The following BMP2K variants were observed in gnomAD, a reference collection of about 807,000 sequenced individuals.
BMP2K encodes BMP-2-inducible protein kinase.
Under a neutral mutation model 116.0 loss-of-function variants are expected in BMP2K, and 74 were observed. The observed-to-expected ratio is 0.64, with a 90% CI of 0.53 to 0.77. The LOEUF (loss-of-function observed/expected upper bound fraction) is 0.77. BMP2K is among the 30% of genes least tolerant of loss of function. The probability of loss-of-function intolerance (pLI) is 0.00; values close to 1 mark genes in which losing one functional copy is unlikely to be tolerated. For missense variants in BMP2K, 1,365 were observed against 1,403.6 expected (o/e 0.97, Z 0.44); for synonymous variants, 486 against 502.5 (o/e 0.97, Z 0.44).
At chr4:78,784,522 C>T (rs1420893258) in intron 1 of BMP2K, among the ~76,000 whole-genome samples, 1 of 152,210 alleles carries the variant, frequency 6.6e-6, no homozygotes, top group African/African-American at 2.4e-5. Flanking sequence ...ATCAGCTTTA[C>T]AAATGAGGTC....
intron 13 of BMP2K, among the ~76,000 whole-genome samples, chr4:78,873,248 AGAT>A (rs1312416335): frequency 6.6e-6 from 1 of 152,208 alleles, no homozygotes; most frequent in Non-Finnish European, 1.5e-5. Flanking sequence ...ATGTATTTTA[AGAT>A]GATATATAGT....
At chr4:78,787,874 C>CT (rs1727802683) in intron 1 of BMP2K, among the ~76,000 whole-genome samples, 1 of 152,164 alleles carries the variant, frequency 6.6e-6, no homozygotes, top group Non-Finnish European at 1.5e-5. Flanking sequence ...TTCCAGTACA[C>CT]TATTTCCCCT....
intron 5 of BMP2K, among the ~76,000 whole-genome samples, chr4:78,845,260 A>C (rs1223283705): frequency 6.6e-6 from 1 of 151,572 alleles, no homozygotes; most frequent in African/African-American, 2.4e-5. Context: ...CTACATTGTA[A>C]ACAGATTTGT....
At chr4:78,861,664 C>G (rs1323675008) in intron 9 of BMP2K, among the ~76,000 whole-genome samples, 196 bp downstream of exon 9, 1 of 151,982 alleles carries the variant, frequency 6.6e-6, no homozygotes. Context: ...CTGGCATCAT[C>G]TCACTGGAAC....
chr4:78,907,507 G>C (rs1734346480), intron 15 of BMP2K, among the ~76,000 whole-genome samples: 1 of 152,140 alleles, frequency 6.6e-6, no homozygotes, highest in Non-Finnish European at 1.5e-5. Flanking sequence ...ACTAGAAATG[G>C]AAAATTTCAA....
chr4:78,829,776 T>TC (rs1288138180), intron 2 of BMP2K, among the ~76,000 whole-genome samples: 114 of 113,206 alleles, frequency 1.0e-3, no homozygotes, highest in African/African-American at 5.0e-3. Flanking sequence ...TTTTCTTTTC[T>TC]TTTCTTTTCT....
At chr4:78,818,096 T>TA (rs1475750108) in intron 1 of BMP2K, among the ~76,000 whole-genome samples, 4 of 152,108 alleles carry the variant, frequency 2.6e-5, no homozygotes, top group African/African-American at 7.2e-5. Context: ...AGCCAAAACA[T>TA]AGAGGTGAAT....
chr4:78,776,453 G>A lies in BMP2K; in HGVS notation c.-91G>A, dbSNP rs1461589815. On this transcript the variant is annotated 5_prime_UTR_variant, in exon 1 of 16. Transcript: ENST00000502613. ...CCGCAGCACGCTCGGACGGGCCAGG[G>A]GCGGCGACCCCTCGCGGACGCCCGG... The A allele has an allele frequency of 1.8e-6, 2 of 1,083,132 alleles. No homozygotes were observed. Among genetic ancestry groups the A allele is most frequent in the Non-Finnish European group, 1.1e-6 (1 of 890,714 alleles). 67.1% of individuals were successfully genotyped at this position (1,083,132 alleles called of 1,614,324 possible).
intron 1 of BMP2K, among the ~76,000 whole-genome samples, chr4:78,792,123 T>G (rs1165449204): frequency 1.3e-5 from 2 of 152,226 alleles, no homozygotes; most frequent in Non-Finnish European, 2.9e-5. Flanking sequence ...GCAATTTTTT[T>G]AATAGCCATC....
At chr4:78,791,216 T>C (rs1395900506) in intron 1 of BMP2K, among the ~76,000 whole-genome samples, 7 of 152,218 alleles carry the variant, frequency 4.6e-5, no homozygotes, top group Non-Finnish European at 1.0e-4. Context: ...AAATAGATTT[T>C]GGTAATGGTT....
chr4:78,842,516 C>A lies in BMP2K; in HGVS notation c.535C>A (p.Arg179=), dbSNP rs753247016. 1.3e-6 allele frequency: 2 copies of A among 1,575,940 alleles called. No individual in the cohort carries two copies. The highest frequency in any genetic ancestry group is 2.7e-5 in the African/African-American group (2 of 74,358). ...LHQCKTPIIH[R]DLKVENILLN... ...TCAGTGTAAGACTCCAATAATTCAC[C>A]GGGATCTGAAGGTAAGAACTTTAGA... The change falls in exon 4 of 16, where the codon CGG becomes AGG. Residue 179 remains arginine (R), a synonymous_variant. Coordinates refer to ENST00000502613, the MANE Select transcript of BMP2K (RefSeq NM_198892.2).
chr4:78,839,677 C>T (rs1467363419), intron 3 of BMP2K, among the ~76,000 whole-genome samples: 1 of 152,118 alleles, frequency 6.6e-6, no homozygotes, highest in East Asian at 1.9e-4. Context: ...CACAAGGTCT[C>T]ACAATATGCC....
chr4:78,830,999 G>C (rs537634366), intron 2 of BMP2K, among the ~76,000 whole-genome samples: 1 of 152,264 alleles, frequency 6.6e-6, no homozygotes, highest in African/African-American at 2.4e-5. Context: ...GTAATAAAAG[G>C]CTTAGATGTC....
At chr4:78,789,853 G>C (rs1050170647) in intron 1 of BMP2K, among the ~76,000 whole-genome samples, 1 of 152,186 alleles carries the variant, frequency 6.6e-6, no homozygotes, top group African/African-American at 2.4e-5. Flanking sequence ...CTCCTGTAGG[G>C]AGAAAGGTAA....
At position 78,865,627 on chromosome 4, in the gene BMP2K, A is replaced by G. The variant is rs767760300; in HGVS notation, c.1138A>G (p.Thr380Ala). The change falls in exon 10 of 16, where the codon ACT (threonine) becomes GCT (alanine). Residue 380 changes from threonine (T) to alanine (A), a missense_variant. Physicochemically the swap from Thr to Ala is moderately conservative, Grantham distance 58. Coordinates refer to ENST00000502613, the MANE Select transcript of BMP2K (RefSeq NM_198892.2). ...PRQRPKANSA[T>A]TATPSVLTIQ... The stretch of plus-strand genomic sequence containing the variant: ...ACAAAGACCAAAGGCCAACTCTGCT[A>G]CTACTGCCACTCCCAGTGTGCTGAC... The G allele has an allele frequency of 1.7e-5, 27 of 1,614,036 alleles. No homozygotes were observed. The highest frequency in any genetic ancestry group is 2.1e-5 in the Non-Finnish European group (25 of 1,179,996).
At chr4:78,819,925 C>T (rs1578494652) in intron 1 of BMP2K, among the ~76,000 whole-genome samples, 1 of 152,106 alleles carries the variant, frequency 6.6e-6, no homozygotes, top group South Asian at 2.1e-4. Flanking sequence ...AATGATTTTG[C>T]AATACTCAGT....
intron 3 of BMP2K, among the ~76,000 whole-genome samples, chr4:78,835,153 A>G (rs1003625079): frequency 7.2e-5 from 11 of 152,202 alleles, no homozygotes; most frequent in Non-Finnish European, 1.2e-4. Flanking sequence ...AATGACCTTC[A>G]AGTTTTAGGG....
chr4:78,907,798 A>G (rs1200390626), intron 15 of BMP2K, among the ~76,000 whole-genome samples: 1 of 152,174 alleles, frequency 6.6e-6, no homozygotes, highest in African/African-American at 2.4e-5. Flanking sequence ...TAGCCTCTGC[A>G]GAATACACTT....
chr4:78,835,855 T>C (rs1268903914), intron 3 of BMP2K, among the ~76,000 whole-genome samples: 2 of 152,138 alleles, frequency 1.3e-5, no homozygotes, highest in African/African-American at 4.8e-5. Context: ...AGTATATAAT[T>C]CTGTGCATGA....
Sources: gnomAD v4.1 joint callset for allele counts (sites outside exome capture counted in the v4.1 genomes callset) on GRCh38, gnomAD v4.1.1 for gene constraint, MANE v1.5 for transcripts, NCBI Gene and HGNC (gene_info 2026-07-23, HGNC 2026-07-21) for gene names.